Variants in TYW1B observed in about 807,000 individuals in gnomAD.
The protein encoded by TYW1B is tRNA-yW synthesizing protein 1 homolog B.
TYW1B carries 73 observed loss-of-function variants against 86.9 expected under a neutral mutation model. That is an observed-to-expected ratio of 0.84 (90% CI 0.70 to 1.02). The LOEUF (loss-of-function observed/expected upper bound fraction) is 1.02, where lower values mean the gene tolerates loss of function less well. Among genes scored for constraint, TYW1B ranks in the 50% least tolerant of loss-of-function variants. The probability of loss-of-function intolerance (pLI) is 0.00; values close to 1 mark genes in which losing one functional copy is unlikely to be tolerated. For synonymous variants in TYW1B, 248 were observed against 292.8 expected, an observed-to-expected ratio of 0.85 and a Z score of 1.56; for missense variants, 637 against 827.4, an observed-to-expected ratio of 0.77 and a Z score of 2.82.
At chr7:72,765,441 T>TG (rs782074889) in intron 7 of TYW1B, among the ~76,000 whole-genome samples, 1 of 152,186 alleles carries the variant, frequency 6.6e-6, no homozygotes, top group Non-Finnish European at 1.5e-5. Flanking sequence ...GTTCTCCAGC[T>TG]GGCTTAAAAA....
chr7:72,790,088 C>T (rs1349512204), intron 6 of TYW1B, among the ~76,000 whole-genome samples: 1 of 151,492 alleles, frequency 6.6e-6, no homozygotes, highest in Non-Finnish European at 1.5e-5. Flanking sequence ...GCTGGGATTA[C>T]AGGCATGCAC....
At chr7:72,728,399 C>G (rs1177378633) in intron 9 of TYW1B, among the ~76,000 whole-genome samples, 1 of 152,088 alleles carries the variant, frequency 6.6e-6, no homozygotes, top group African/African-American at 2.4e-5. Flanking sequence ...CTCTGCCTCC[C>G]AGGTTCAAGC....
In TYW1B at chr7:72,578,937, ACC is replaced by A. The variant is rs141055984; in HGVS notation, c.1786-3220_1786-3219del. Among the ~76,000 whole-genome samples the A allele has an allele frequency of 6.5e-3, 986 of 151,916 alleles. 10 individuals carry two copies. Among genetic ancestry groups the A allele is most frequent in the African/African-American group, 0.02 (847 of 41,436 alleles). ...TTTCGATTTCTAGGTCTGAAGTCTG[ACC>A]CCTCTGGTTCATAATCCTGATGCTC... On this transcript the variant is annotated intron_variant, in intron 13 of 13. Transcript: ENST00000620995.
At chr7:72,667,569 C>T (rs1813498409) in intron 11 of TYW1B, among the ~76,000 whole-genome samples, 1 of 152,072 alleles carries the variant, frequency 6.6e-6, no homozygotes, top group African/African-American at 2.4e-5. Flanking sequence ...CAAAAATTAG[C>T]CAGGTGTGGT....
chr7:72,787,820 C>T (rs1554472756), intron 6 of TYW1B, among the ~76,000 whole-genome samples: 2 of 151,870 alleles, frequency 1.3e-5, no homozygotes, highest in African/African-American at 2.4e-5. Flanking sequence ...ATTTCAATGT[C>T]TGTCCGGCTT....
chr7:72,708,420 A>G (rs1814662297), intron 10 of TYW1B, among the ~76,000 whole-genome samples: 1 of 152,212 alleles, frequency 6.6e-6, no homozygotes, highest in Non-Finnish European at 1.5e-5. Context: ...AAATAAACCT[A>G]TTGACTGTCA....
rs1438626036 is a variant in TYW1B, at chr7:72,575,313, G to A, written c.*185C>T. On this transcript the variant is annotated 3_prime_UTR_variant, in exon 14 of 14. Coordinates refer to ENST00000620995, the MANE Select transcript of TYW1B (RefSeq NM_001145440.3). ...GGCTGAGTTCTGAAAAGAAACATCGGGGCTGTGGCCCAGGCCCTCTGAGTG... is the reference window on the plus strand; with the variant it reads ...GGCTGAGTTCTGAAAAGAAACATCGAGGCTGTGGCCCAGGCCCTCTGAGTG... 2.8e-6 allele frequency: 4 copies of A among 1,425,368 alleles called. No individual in the cohort carries two copies. Among genetic ancestry groups the A allele is most frequent in the Non-Finnish European group, 3.7e-6 (4 of 1,088,298 alleles). The allele number at this position is 1,425,368 out of a possible 1,614,324, so 88.3% of individuals were successfully genotyped here. A position where few individuals can be genotyped will look rare whatever the true frequency, so the allele number is the denominator to read the frequency against.
Position 72,574,532 on chromosome 7 carries a change from T to C in TYW1B, c.*966A>G, listed in dbSNP as rs1810974473. 2 of 966,528 alleles carry C rather than the reference T, an allele frequency of 2.1e-6. No homozygotes were observed. The highest frequency in any genetic ancestry group is 2.5e-6 in the Non-Finnish European group (2 of 812,814). The allele number at this position is 966,528 out of a possible 1,614,324, so 59.9% of individuals were successfully genotyped here. A position where few individuals can be genotyped will look rare whatever the true frequency, so the allele number is the denominator to read the frequency against. ...TGCAAGTCTTTACAAAATATTATTT[T>C]ATTAATTCAATTTTTGCATAAAAGA... On this transcript the variant is annotated 3_prime_UTR_variant, in exon 14 of 14. Transcript: ENST00000620995.
chr7:72,682,276 T>C (rs567947046), intron 11 of TYW1B, among the ~76,000 whole-genome samples: 44 of 152,006 alleles, frequency 2.9e-4, no homozygotes, highest in African/African-American at 1.0e-3. Context: ...ACAGCACATA[T>C]ATCAAGTTTC....
At chr7:72,578,863 A>T (rs1185469114) in intron 13 of TYW1B, among the ~76,000 whole-genome samples, 1 of 152,158 alleles carries the variant, frequency 6.6e-6, no homozygotes, top group Non-Finnish European at 1.5e-5. Flanking sequence ...GCTTGCTGAA[A>T]GACAGAGATG....
chr7:72,674,710 A>G (rs1443359883), intron 11 of TYW1B, among the ~76,000 whole-genome samples: 2 of 151,300 alleles, frequency 1.3e-5, no homozygotes, highest in African/African-American at 4.9e-5. Flanking sequence ...TAGGTAGGCT[A>G]TCAAATATAA....
intron 7 of TYW1B, among the ~76,000 whole-genome samples, chr7:72,761,698 A>G (rs1787688579): frequency 6.6e-6 from 1 of 152,094 alleles, no homozygotes; most frequent in Admixed American, 6.6e-5. Flanking sequence ...ATATGGAAAG[A>G]AATAGAATAC....
chr7:72,811,650 A>C lies in TYW1B; in HGVS notation c.238-985T>G, dbSNP rs558485356. Among the ~76,000 whole-genome samples the C allele has an allele frequency of 5.4e-4, 82 of 151,902 alleles. 2 individuals carry two copies. The highest frequency in any genetic ancestry group is 1.1e-3 in the Non-Finnish European group (73 of 67,908). On this transcript the variant is annotated intron_variant, in intron 3 of 13. Transcript: ENST00000620995. The stretch of plus-strand genomic sequence containing the variant: ...ATGTTGGCTGGGCCCAGTGGCTCAT[A>C]CCTGTAATCCCAGGACTTTGGGAGG...
rs142696384 is a variant in TYW1B at position 72,792,923 on chromosome 7, T to C, written c.846+9477A>G. Among the ~76,000 whole-genome samples the C allele has an allele frequency of 6.1e-3, 924 of 152,248 alleles. 5 individuals carry two copies. Among genetic ancestry groups the C allele is most frequent in the Non-Finnish European group, 9.5e-3 (647 of 68,016 alleles). On this transcript the variant is annotated intron_variant, in intron 6 of 13. Transcript: ENST00000620995. ...AAACAAATGTGTTTATAAAAGGCAA[T>C]AAAATACCTGCAAGAATATTGTCAA...
rs184024861 is a variant in TYW1B, at chr7:72,661,232, G to C, written c.1507-32235C>G. 1.0e-4 allele frequency among the ~76,000 whole-genome samples: 2 copies of C among 19,672 alleles called. 1 individual carries two copies. The highest frequency in any genetic ancestry group is 1.7e-4 in the African/African-American group (2 of 11,822). 12.9% of individuals were successfully genotyped at this position (19,672 alleles called of 152,430 possible). On this transcript the variant is annotated intron_variant, in intron 11 of 13. Transcript: ENST00000620995. Reference sequence around the variant, plus strand: ...GCTGAATTCTAGGGAGGTCTGGTGGGGGGCGGGGGGGCACTATAGGTAACT... The same window carrying C: ...GCTGAATTCTAGGGAGGTCTGGTGGCGGGCGGGGGGGCACTATAGGTAACT...
rs182817093 is a variant in TYW1B, at chr7:72,828,148, C to T, written c.-73G>A. ...AAAGGTTCGCACTGGTACTGCGAGA[C>T]GCACCGAGCTACCTCGCGGCGTTAG... On this transcript the variant is annotated 5_prime_UTR_variant, in exon 1 of 14. Transcript: ENST00000620995. The T allele has an allele frequency of 4.4e-6, 7 of 1,604,848 alleles. No homozygotes were observed. Among genetic ancestry groups the T allele is most frequent in the Non-Finnish European group, 5.1e-6 (6 of 1,175,922 alleles).
chr7:72,723,217 C>A, intron 9 of TYW1B: 1 of 360,194 alleles, frequency 2.8e-6, no homozygotes. Context: ...CTTCCCTTTC[C>A]CCTGGTCCCC....
intron 6 of TYW1B, among the ~76,000 whole-genome samples, chr7:72,786,465 T>C (rs1554472461): frequency 6.6e-6 from 1 of 152,038 alleles, no homozygotes; most frequent in African/African-American, 2.4e-5. Context: ...TAGTGTTTTC[T>C]CCAGTGCCCT....
chr7:72,675,691 T>C (rs759844478), intron 11 of TYW1B, among the ~76,000 whole-genome samples: 1 of 151,838 alleles, frequency 6.6e-6, no homozygotes, highest in Non-Finnish European at 1.5e-5. Flanking sequence ...TCCACAGTCA[T>C]CATAGTTCAT....
Sources: allele counts gnomAD v4.1 joint callset (sites outside exome capture counted in the v4.1 genomes callset), GRCh38; gene constraint gnomAD v4.1.1; transcripts MANE v1.5; gene names NCBI Gene and HGNC (gene_info 2026-07-23, HGNC 2026-07-21).